The following UBE2V2 variants were observed in gnomAD, a reference collection of about 807,000 sequenced individuals.
The protein encoded by UBE2V2 is ubiquitin conjugating enzyme E2 V2.
Under a neutral mutation model 17.2 loss-of-function variants are expected in UBE2V2, and 9 were observed. That is an observed-to-expected ratio of 0.52 (90% confidence interval 0.32 to 0.91). The LOEUF is 0.91. Among genes scored for constraint, UBE2V2 ranks in the 40% least tolerant of loss-of-function variants. The probability of loss-of-function intolerance (pLI) is 0.04; values close to 1 mark genes in which losing one functional copy is unlikely to be tolerated. For synonymous variants in UBE2V2, 61 were observed against 57.5 expected, an observed-to-expected ratio of 1.06 and a Z score of -0.28; for missense variants, 133 against 182.6, an observed-to-expected ratio of 0.73 and a Z score of 1.56.
At chr8:48,053,986 G>A (rs888389038) in intron 3 of UBE2V2, among the ~76,000 whole-genome samples, 3 of 150,962 alleles carry the variant, frequency 2.0e-5, no homozygotes, top group African/African-American at 7.3e-5. Flanking sequence ...TGTATTTTTA[G>A]TAGAGATGGG....
intron 1 of UBE2V2, among the ~76,000 whole-genome samples, chr8:48,010,684 G>A (rs1189010635): frequency 1.4e-5 from 2 of 144,960 alleles, no homozygotes; most frequent in East Asian, 2.1e-4. Flanking sequence ...GAGCCACTGC[G>A]CCTGGGTTTG....
At chr8:48,044,494 A>G (rs1380381048) in intron 2 of UBE2V2, among the ~76,000 whole-genome samples, 1 of 152,214 alleles carries the variant, frequency 6.6e-6, no homozygotes, top group Non-Finnish European at 1.5e-5. Flanking sequence ...AATTAGCAAC[A>G]TTAATTATAG....
upstream of UBE2V2, among the ~76,000 whole-genome samples, chr8:48,003,509 A>G (rs2091165494): frequency 6.6e-6 from 1 of 152,100 alleles, no homozygotes; most frequent in Non-Finnish European, 1.5e-5. Flanking sequence ...CAGGGCGCAT[A>G]ATGGGTTTTT....
At chr8:48,008,362 C>T, upstream of UBE2V2, 1 of 1,465,230 alleles carries the variant, frequency 6.8e-7, no homozygotes, top group Non-Finnish European at 9.0e-7. Context: ...GGGGCGGAGT[C>T]CGCTGTGACG....
intron 1 of UBE2V2, among the ~76,000 whole-genome samples, chr8:48,014,960 G>C (rs894854962): frequency 7.4e-5 from 11 of 148,408 alleles, no homozygotes; most frequent in African/African-American, 2.5e-4. Context: ...TGAAGCAGTA[G>C]AATGGCATGA....
intron 3 of UBE2V2, among the ~76,000 whole-genome samples, chr8:48,051,358 A>G (rs1203287926): frequency 6.6e-6 from 1 of 152,144 alleles, no homozygotes; most frequent in Non-Finnish European, 1.5e-5. Context: ...AGTATCATCC[A>G]TCTTAGGAAA....
At chr8:48,008,410 G>GGTTC (rs2091200810), upstream of UBE2V2, 2 of 1,556,010 alleles carry the variant, frequency 1.3e-6, no homozygotes, top group Non-Finnish European at 1.7e-6. Context: ...GACGCGCGAC[G>GGTTC]GTTCGTGCGT....
rs376784398 is a variant in UBE2V2, at chr8:48,056,995, G to C, written c.292-3687G>C. On this transcript the variant is annotated intron_variant, in intron 3 of 3. Coordinates refer to ENST00000523111, the MANE Select transcript of UBE2V2 (RefSeq NM_003350.3). ...CCTGCCTTGGCCTCCCAAAGTGCTG[G>C]GGTTACAGGAGTGAGCCACCACGCC... Among the ~76,000 whole-genome samples the C allele has an allele frequency of 2.2e-4, 33 of 152,266 alleles. 1 individual carries two copies. Among genetic ancestry groups the C allele is most frequent in the Middle Eastern group, 3.4e-3 (1 of 294 alleles).
At chr8:48,009,889 T>G (rs1166170534) in intron 1 of UBE2V2, among the ~76,000 whole-genome samples, 1 of 152,200 alleles carries the variant, frequency 6.6e-6, no homozygotes, top group Non-Finnish European at 1.5e-5. Context: ...AGTGGAATTT[T>G]AGTGTTATGA....
chr8:48,050,021 T>A lies in UBE2V2; in HGVS notation c.291+43T>A, dbSNP rs1488743452. ...TTTTGGTTTTATATAACATAATGTA[T>A]AGAGTTATATATTATACGTACACAC... On this transcript the variant is annotated intron_variant, in intron 3 of 3. Transcript: ENST00000523111. 3.0e-6 allele frequency: 4 copies of A among 1,334,796 alleles called. No homozygotes were observed. The African/African-American group carries it at 4.5e-5, about 15-fold the overall frequency. 82.7% of individuals were successfully genotyped at this position (1,334,796 alleles called of 1,614,324 possible). A position where few individuals can be genotyped will look rare whatever the true frequency, so the allele number is the denominator to read the frequency against.
chr8:48,008,427 G>A, upstream of UBE2V2: 1 of 1,561,962 alleles, frequency 6.4e-7, no homozygotes, highest in Non-Finnish European at 8.6e-7. Flanking sequence ...GCGTGCGTGC[G>A]GGCGGCTGCG....
At chr8:48,034,302 T>A (rs953745845) in intron 1 of UBE2V2, among the ~76,000 whole-genome samples, 1 of 152,044 alleles carries the variant, frequency 6.6e-6, no homozygotes, top group Non-Finnish European at 1.5e-5. Flanking sequence ...TTTTTTTGTA[T>A]TTTTAGTAGA....
chr8:48,032,626 C>T (rs1469979800), intron 1 of UBE2V2, among the ~76,000 whole-genome samples: 2 of 152,018 alleles, frequency 1.3e-5, no homozygotes, highest in Non-Finnish European at 2.9e-5. Flanking sequence ...TGTGGCGGTG[C>T]ATGCCTGCAG....
At chr8:48,058,760 TG>T (rs932742223) in intron 3 of UBE2V2, among the ~76,000 whole-genome samples, 1 of 152,034 alleles carries the variant, frequency 6.6e-6, no homozygotes, top group Non-Finnish European at 1.5e-5. Flanking sequence ...ATTTATATCA[TG>T]AAAGGTTTTT....
intron 3 of UBE2V2, 104 bp downstream of exon 3, chr8:48,050,082 G>C (rs1329622506): frequency 1.1e-6 from 1 of 889,024 alleles, no homozygotes; most frequent in African/African-American, 1.8e-5. Context: ...ATGTAGTTAG[G>C]AGAAAGTTTT....
At chr8:48,004,538 GT>G (rs1176583547), upstream of UBE2V2, among the ~76,000 whole-genome samples, 5 of 122,632 alleles carry the variant, frequency 4.1e-5, no homozygotes, top group South Asian at 2.7e-4. Flanking sequence ...TTGTTTTTTT[GT>G]TTTTTTTTTG....
chr8:48,057,823 C>A (rs2091582688), intron 3 of UBE2V2, among the ~76,000 whole-genome samples: 1 of 151,980 alleles, frequency 6.6e-6, no homozygotes, highest in South Asian at 2.1e-4. Flanking sequence ...GTATATGGAA[C>A]CTGTATCTTG....
At chr8:48,059,196 A>T (rs939588262) in intron 3 of UBE2V2, among the ~76,000 whole-genome samples, 8 of 151,886 alleles carry the variant, frequency 5.3e-5, no homozygotes, top group African/African-American at 1.7e-4. Context: ...CGGCCTCCCA[A>T]AGTGCTAGGA....
chr8:48,019,348 A>C (rs1433616819), intron 1 of UBE2V2, among the ~76,000 whole-genome samples: 1 of 152,094 alleles, frequency 6.6e-6, no homozygotes, highest in Non-Finnish European at 1.5e-5. Flanking sequence ...TGGGTGACAG[A>C]ACAAGACTCC....
Sources: allele counts gnomAD v4.1 joint callset (sites outside exome capture counted in the v4.1 genomes callset), GRCh38; gene constraint gnomAD v4.1.1; transcripts MANE v1.5; gene names NCBI Gene and HGNC (gene_info 2026-07-23, HGNC 2026-07-21).